The following NLGN1 variants were observed in gnomAD, a reference collection of about 807,000 sequenced individuals.
The protein encoded by NLGN1 is neuroligin 1, also known as neuroligin-1.
Under a neutral mutation model 65.5 loss-of-function variants are expected in NLGN1, and 12 were observed. That is an observed-to-expected ratio of 0.18 (90% CI 0.12 to 0.30). NLGN1 has a LOEUF of 0.30. NLGN1 is among the 10% of genes least tolerant of loss of function. NLGN1 has a pLI of 1.00. For missense variants in NLGN1, 750 were observed against 1,007.1 expected (o/e 0.74, Z 3.46); for synonymous variants, 350 against 359.5 (o/e 0.97, Z 0.30).
intron 4 of NLGN1, among the ~76,000 whole-genome samples, chr3:173,902,328 TCTTA>T (rs1737530240): frequency 6.6e-6 from 1 of 152,124 alleles, no homozygotes; most frequent in Admixed American, 6.6e-5. Flanking sequence ...CTGGCCCATG[TCTTA>T]CTTCCTCAAC....
At chr3:173,846,655 CT>C (rs1344348225) in intron 4 of NLGN1, among the ~76,000 whole-genome samples, 1 of 152,136 alleles carries the variant, frequency 6.6e-6, no homozygotes, top group African/African-American at 2.4e-5. Flanking sequence ...GCAGGTCGTC[CT>C]TTTAGGAAGA....
intron 2 of NLGN1, among the ~76,000 whole-genome samples, chr3:173,470,297 A>G (rs2148923508): frequency 6.6e-6 from 1 of 152,076 alleles, no homozygotes; most frequent in South Asian, 2.1e-4. Context: ...CATCAACCCC[A>G]TCCACACTGA....
intron 4 of NLGN1, among the ~76,000 whole-genome samples, chr3:173,993,160 G>A (rs146395815): frequency 1.4e-4 from 22 of 152,146 alleles, no homozygotes; most frequent in African/African-American, 5.1e-4. Flanking sequence ...CTCGTTATGC[G>A]TGGTCTATAC....
chr3:174,101,416 G>A (rs1049054071), intron 4 of NLGN1, among the ~76,000 whole-genome samples: 1 of 152,144 alleles, frequency 6.6e-6, no homozygotes, highest in African/African-American at 2.4e-5. Flanking sequence ...TCTAGTCAGA[G>A]ATGAGTTGGC....
At chr3:173,591,145 A>G (rs1251532722) in intron 2 of NLGN1, among the ~76,000 whole-genome samples, 1 of 152,158 alleles carries the variant, frequency 6.6e-6, no homozygotes, top group Admixed American at 6.5e-5. Context: ...TTGAATTTAA[A>G]TGGTGACTTT....
At chr3:173,901,979 C>G (rs1737462037) in intron 4 of NLGN1, among the ~76,000 whole-genome samples, 1 of 152,088 alleles carries the variant, frequency 6.6e-6, no homozygotes, top group South Asian at 2.1e-4. Context: ...AGTATTAAAA[C>G]TGACTATTGG....
At chr3:173,868,614 A>G (rs983275621) in intron 4 of NLGN1, among the ~76,000 whole-genome samples, 11 of 152,156 alleles carry the variant, frequency 7.2e-5, no homozygotes, top group African/African-American at 2.7e-4. Flanking sequence ...GAGGGATTCA[A>G]CTGGAAATCT....
intron 3 of NLGN1, among the ~76,000 whole-genome samples, chr3:173,754,614 A>G (rs1467120466): frequency 6.6e-6 from 1 of 152,144 alleles, no homozygotes; most frequent in Non-Finnish European, 1.5e-5. Context: ...CATATAGTAG[A>G]CACTCCATAA....
chr3:173,778,000 T>C (rs1436099384), intron 3 of NLGN1, among the ~76,000 whole-genome samples: 1 of 151,864 alleles, frequency 6.6e-6, no homozygotes, highest in African/African-American at 2.4e-5. Flanking sequence ...TTGTAGTATA[T>C]TCCTTAAGTA....
chr3:174,215,696 A>G (rs1412889407), intron 4 of NLGN1, among the ~76,000 whole-genome samples: 1 of 152,158 alleles, frequency 6.6e-6, no homozygotes, highest in African/African-American at 2.4e-5. Flanking sequence ...AAAGCAGCTA[A>G]TTCAAATGAA....
At chr3:173,946,141 A>T (rs1747099566) in intron 4 of NLGN1, among the ~76,000 whole-genome samples, 1 of 152,234 alleles carries the variant, frequency 6.6e-6, no homozygotes, top group Non-Finnish European at 1.5e-5. Flanking sequence ...AGAGTTTAGA[A>T]ATGCAAATTA....
intron 3 of NLGN1, among the ~76,000 whole-genome samples, chr3:173,772,191 T>G (rs1402810024): frequency 6.6e-6 from 1 of 152,210 alleles, no homozygotes; most frequent in African/African-American, 2.4e-5. Flanking sequence ...TAATTTATTC[T>G]TACCTTTAAT....
chr3:173,748,578 T>G (rs1269078331), intron 3 of NLGN1, among the ~76,000 whole-genome samples: 1 of 152,142 alleles, frequency 6.6e-6, no homozygotes, highest in African/African-American at 2.4e-5. Flanking sequence ...GAAATTGGCC[T>G]CATGGTGACT....
chr3:174,284,406 T>C (rs1751892715), exon 7 of NLGN1: 1 of 151,428 alleles, frequency 6.6e-6, no homozygotes, highest in Non-Finnish European at 1.5e-5. Flanking sequence ...ATGTATTTAT[T>C]TAGATAATTT....
chr3:173,747,385 T>G lies in NLGN1; in HGVS notation c.494-60295T>G, dbSNP rs377586864. Among the ~76,000 whole-genome samples the G allele has an allele frequency of 9.5e-5, 14 of 146,614 alleles. No individual in the cohort carries two copies. In the East Asian group the frequency reaches 2.6e-3, roughly 27 times the overall value. On this transcript the variant is annotated intron_variant, in intron 3 of 6. Transcript: ENST00000457714. ...TTAAAGATATATATATACTTAAAGA[T>G]ATATATATTTAAATATATATATAAT...
intron 4 of NLGN1, among the ~76,000 whole-genome samples, chr3:173,840,456 TTAG>T (rs1441359989): frequency 6.6e-6 from 1 of 152,146 alleles, no homozygotes; most frequent in Non-Finnish European, 1.5e-5. Context: ...CACTGTGAAG[TTAG>T]TAGTTTCTAT....
chr3:173,448,235 C>T (rs1720759920), intron 2 of NLGN1, among the ~76,000 whole-genome samples: 1 of 152,140 alleles, frequency 6.6e-6, no homozygotes, highest in South Asian at 2.1e-4. Context: ...AGATACCTCC[C>T]ATCAATACCT....
intron 4 of NLGN1, among the ~76,000 whole-genome samples, chr3:174,126,056 T>C (rs747658340): frequency 5.9e-5 from 9 of 152,036 alleles, no homozygotes; most frequent in African/African-American, 1.4e-4. Flanking sequence ...AGGTCACACA[T>C]TGAGAAGGAG....
chr3:174,098,292 A>T (rs1317647291), intron 4 of NLGN1, among the ~76,000 whole-genome samples: 1 of 152,072 alleles, frequency 6.6e-6, no homozygotes, highest in Admixed American at 6.6e-5. Flanking sequence ...ACATTTTGTA[A>T]TTCAGTTTGT....
Sources: allele counts gnomAD v4.1 joint callset (sites outside exome capture counted in the v4.1 genomes callset), GRCh38; gene constraint gnomAD v4.1.1; transcripts MANE v1.5; gene names NCBI Gene and HGNC (gene_info 2026-07-23, HGNC 2026-07-21).